Variants in PGBD5 observed in about 807,000 individuals in gnomAD.
PGBD5 encodes the protein piggyBac transposable element derived 5, also known as piggyBac transposable element-derived protein 5.
In PGBD5, 14 loss-of-function variants were observed where a neutral mutation model predicts 47.9. The ratio of observed to expected loss-of-function variants is 0.29; its 90% confidence interval spans 0.19 to 0.46. PGBD5 has a LOEUF of 0.46. Among genes scored for constraint, PGBD5 ranks in the 20% least tolerant of loss-of-function variants. The probability of loss-of-function intolerance (pLI) is 1.00; values close to 1 mark genes in which losing one functional copy is unlikely to be tolerated. For missense variants in PGBD5, 635 were observed against 716.0 expected (o/e 0.89, Z 1.29); for synonymous variants, 316 against 306.3 (o/e 1.03, Z -0.33).
At chr1:230,344,694 G>A (rs1010684612) in intron 3 of PGBD5, among the ~76,000 whole-genome samples, 4 of 152,194 alleles carry the variant, frequency 2.6e-5, no homozygotes, top group African/African-American at 9.6e-5. Flanking sequence ...TCCATGATGT[G>A]TGCAGGGGGT....
intron 1 of PGBD5, among the ~76,000 whole-genome samples, chr1:230,378,761 C>A (rs1668051478): frequency 6.6e-6 from 1 of 152,176 alleles, no homozygotes; most frequent in South Asian, 2.1e-4. Context: ...CTGAAATGGG[C>A]AAAGACCATA....
At chr1:230,388,666 C>T (rs893561122) in intron 1 of PGBD5, among the ~76,000 whole-genome samples, 3 of 152,168 alleles carry the variant, frequency 2.0e-5, no homozygotes, top group Admixed American at 6.5e-5. Flanking sequence ...CCACCTGACT[C>T]GGCCTCCCAA....
At chr1:230,347,476 CTTTTTT>C (rs71733326) in intron 3 of PGBD5, among the ~76,000 whole-genome samples, 6 of 113,454 alleles carry the variant, frequency 5.3e-5, no homozygotes, top group East Asian at 2.4e-4. Context: ...ATTTTCTTTT[CTTTTTT>C]TTTTTTTTTT....
At chr1:230,408,520 G>A (rs59434993) in intron 1 of PGBD5, among the ~76,000 whole-genome samples, 127 of 152,204 alleles carry the variant, frequency 8.3e-4, no homozygotes, top group African/African-American at 2.9e-3. Flanking sequence ...ATTTTATTGC[G>A]AAGTAGTCAA....
At chr1:230,386,369 A>G (rs912956061) in intron 1 of PGBD5, among the ~76,000 whole-genome samples, 5 of 151,918 alleles carry the variant, frequency 3.3e-5, no homozygotes, top group Admixed American at 2.0e-4. Context: ...TTATTATGTG[A>G]ATATACGAGT....
chr1:230,314,983 G>A lies in PGBD5; in HGVS notation c.*8442C>T, dbSNP rs1029132129. ...AGTGTGAATCTCCATTTGAGGAAGG[G>A]GAAGAAGAGCTTGGAGGGTGACAGC... On this transcript the variant is annotated 3_prime_UTR_variant, in exon 7 of 7. Transcript: ENST00000391860. 2 of 152,138 alleles carry A rather than the reference G, an allele frequency of 1.3e-5. No individual in the cohort carries two copies. Among genetic ancestry groups the A allele is most frequent in the African/African-American group, 4.8e-5 (2 of 41,412 alleles). The allele number at this position is 152,138 out of a possible 1,614,324, so 9.4% of individuals were successfully genotyped here.
At chr1:230,340,830 G>A (rs756949026) in intron 3 of PGBD5, among the ~76,000 whole-genome samples, 4 of 152,064 alleles carry the variant, frequency 2.6e-5, no homozygotes, top group South Asian at 2.1e-4. Flanking sequence ...GGTAGAATAC[G>A]GAAGGCAGTC....
At chr1:230,337,023 G>A (rs1416837273) in intron 4 of PGBD5, 85 bp downstream of exon 4, 6 of 1,456,434 alleles carry the variant, frequency 4.1e-6, no homozygotes, top group East Asian at 4.6e-5. Context: ...TGGCCACCAC[G>A]TATCTGCACC....
At position 230,418,382 on chromosome 1, in the gene PGBD5, A is replaced by G. The variant is rs1657571267; in HGVS notation, c.331+7216T>C. Among the ~76,000 whole-genome samples the G allele has an allele frequency of 2.0e-5, 3 of 152,364 alleles. No individual in the cohort carries two copies. In the South Asian group the frequency reaches 6.2e-4, roughly 32 times the overall value. ...AGGACTGCTCTATGCGATATGGATG[A>G]ATCTTACAGGTAAAACAATTAAGTA... On this transcript the variant is annotated intron_variant, in intron 1 of 6. Transcript: ENST00000391860.
At chr1:230,349,323 T>G (rs969469227) in intron 3 of PGBD5, among the ~76,000 whole-genome samples, 2 of 151,438 alleles carry the variant, frequency 1.3e-5, no homozygotes, top group African/African-American at 4.9e-5. Flanking sequence ...AGCCCAGGAG[T>G]TCAAGATCAG....
At chr1:230,336,860 G>A (rs1667331407) in intron 4 of PGBD5, among the ~76,000 whole-genome samples, 1 of 152,250 alleles carries the variant, frequency 6.6e-6, no homozygotes, top group African/African-American at 2.4e-5. Context: ...AGGCCAGGCA[G>A]AGCTTTGCGC....
At chr1:230,411,361 A>G (rs978174724) in intron 1 of PGBD5, among the ~76,000 whole-genome samples, 1 of 152,232 alleles carries the variant, frequency 6.6e-6, no homozygotes, top group Non-Finnish European at 1.5e-5. Context: ...GGTATAAAAA[A>G]GCAAACGCAG....
chr1:230,412,941 C>T (rs1411209146), intron 1 of PGBD5, among the ~76,000 whole-genome samples: 3 of 152,150 alleles, frequency 2.0e-5, no homozygotes, highest in Non-Finnish European at 4.4e-5. Context: ...AATCCACAAC[C>T]ACCACCTGCC....
chr1:230,360,495 A>T (rs1299620553), intron 1 of PGBD5, among the ~76,000 whole-genome samples: 1 of 152,106 alleles, frequency 6.6e-6, no homozygotes, highest in Admixed American at 6.5e-5. Flanking sequence ...AGGGACCTCC[A>T]TGGGAGGTGA....
At chr1:230,369,125 A>G (rs1290328227) in intron 1 of PGBD5, among the ~76,000 whole-genome samples, 1 of 152,238 alleles carries the variant, frequency 6.6e-6, no homozygotes, top group Non-Finnish European at 1.5e-5. Flanking sequence ...CAAGGCCCCA[A>G]AGGTTCTGGC....
At chr1:230,369,344 T>C (rs2820373) in intron 1 of PGBD5, among the ~76,000 whole-genome samples, 109,380 of 152,204 alleles carry the variant, frequency 0.72, 39,738 homozygotes, top group African/African-American at 0.74. Context: ...GACAGGCTCA[T>C]GGGTCAGGGG....
intron 1 of PGBD5, among the ~76,000 whole-genome samples, chr1:230,394,366 G>A (rs1322464843): frequency 1.3e-5 from 2 of 151,750 alleles, no homozygotes. Flanking sequence ...CTGCTCCTAG[G>A]ATTTGCTCAT....
chr1:230,396,165 C>T (rs374331810), intron 1 of PGBD5, among the ~76,000 whole-genome samples: 9 of 137,684 alleles, frequency 6.5e-5, no homozygotes, highest in Admixed American at 2.1e-4. Flanking sequence ...TCCCACACTC[C>T]TCCCTTTTAC....
At position 230,356,945 on chromosome 1, in the gene PGBD5, G is replaced by A. The variant is rs375674007; in HGVS notation, c.708C>T (p.Leu236=). Reference sequence around the variant, plus strand: ...AGTCGAAGCTGTTCTGCAGGGAGTCGAGGAAGGGCTGGACCTTGTAGAGCC... The same window carrying A: ...AGTCGAAGCTGTTCTGCAGGGAGTCAAGGAAGGGCTGGACCTTGTAGAGCC... ...THGLYKVQPF[L]DSLQNSFDSA... The change falls in exon 2 of 7, where the codon CTC becomes CTT. Residue 236 remains leucine (L), a synonymous_variant. Coordinates refer to ENST00000391860, the MANE Select transcript of PGBD5 (RefSeq NM_001258311.2). 3.5e-5 allele frequency: 56 copies of A among 1,614,070 alleles called. No individual in the cohort carries two copies. Among genetic ancestry groups the A allele is most frequent in the Non-Finnish European group, 4.5e-5 (53 of 1,180,052 alleles).
Sources: gnomAD v4.1 joint callset for allele counts (sites outside exome capture counted in the v4.1 genomes callset) on GRCh38, gnomAD v4.1.1 for gene constraint, MANE v1.5 for transcripts, NCBI Gene and HGNC (gene_info 2026-07-23, HGNC 2026-07-21) for gene names.